Variants in DRD2 observed in about 807,000 individuals in gnomAD.
DRD2 encodes D(2) dopamine receptor.
In DRD2, 8 loss-of-function variants were observed where a neutral mutation model predicts 38.0. The observed-to-expected ratio is 0.21, with a 90% confidence interval of 0.12 to 0.38. The LOEUF is 0.38. DRD2 is among the 10% of genes least tolerant of loss of function. DRD2 has a pLI of 1.00. For synonymous variants in DRD2, 230 were observed against 238.6 expected (o/e 0.96, Z 0.33); for missense variants, 403 against 607.7 (o/e 0.66, Z 3.54).
intron 2 of DRD2, among the ~76,000 whole-genome samples, chr11:113,422,442 C>T (rs993533805): frequency 2.6e-5 from 4 of 152,140 alleles, no homozygotes; most frequent in Non-Finnish European, 5.9e-5. Flanking sequence ...TTTGCTCTAC[C>T]ATTTTTCCCT....
At chr11:113,459,414 T>A (rs1360583574) in intron 1 of DRD2, among the ~76,000 whole-genome samples, 1 of 152,200 alleles carries the variant, frequency 6.6e-6, no homozygotes, top group Non-Finnish European at 1.5e-5. Flanking sequence ...TCCAATCCAA[T>A]ACCATCATTT....
intron 1 of DRD2, among the ~76,000 whole-genome samples, chr11:113,444,114 C>A (rs1951118500): frequency 6.6e-6 from 1 of 152,214 alleles, no homozygotes; most frequent in Admixed American, 6.5e-5. Context: ...CGGCTGACTG[C>A]AACCTCCGCC....
intron 1 of DRD2, among the ~76,000 whole-genome samples, chr11:113,446,119 C>A (rs1951145937): frequency 6.6e-6 from 1 of 152,142 alleles, no homozygotes; most frequent in African/African-American, 2.4e-5. Flanking sequence ...GACACATGGA[C>A]CCCACTTCAT....
In DRD2 at chr11:113,412,557, G is replaced by A. The variant is rs752872204; in HGVS notation, c.1137C>T (p.Leu379=). Residue 379 remains leucine (L), a splice_region_variant and synonymous_variant, in exon 7 of 8, where the codon CTC becomes CTT. Transcript: ENST00000362072. ...GGCCAGCAGCCAGGGCCGACTCACCGAGAACAATGGCGAGCATCTGAGTGG... is the reference window on the plus strand; with the variant it reads ...GGCCAGCAGCCAGGGCCGACTCACCAAGAACAATGGCGAGCATCTGAGTGG... ...KKATQMLAIV[L]GVFIICWLPF... 19 of 1,612,466 alleles carry A rather than the reference G, an allele frequency of 1.2e-5. No individual in the cohort carries two copies. Among genetic ancestry groups the A allele is most frequent in the South Asian group, 3.3e-5 (3 of 91,078 alleles).
chr11:113,424,214 T>A, intron 2 of DRD2, 153 bp downstream of exon 2: 1 of 761,934 alleles, frequency 1.3e-6, no homozygotes, highest in Non-Finnish European at 2.1e-6. Flanking sequence ...ACCCATTTCG[T>A]AAGGAGAAAA....
chr11:113,465,979 T>A (rs1591304331), intron 1 of DRD2, among the ~76,000 whole-genome samples: 1 of 152,234 alleles, frequency 6.6e-6, no homozygotes, highest in East Asian at 1.9e-4. Context: ...CGTGACTCAT[T>A]TCCTTTGCAC....
At chr11:113,459,223 G>T (rs916519975) in intron 1 of DRD2, among the ~76,000 whole-genome samples, 6 of 152,204 alleles carry the variant, frequency 3.9e-5, no homozygotes, top group Non-Finnish European at 8.8e-5. Flanking sequence ...ATTTGAAAGT[G>T]GTAGATATTA....
At chr11:113,415,137 G>A (rs1477243499) in intron 5 of DRD2, among the ~76,000 whole-genome samples, 1 of 152,090 alleles carries the variant, frequency 6.6e-6, no homozygotes, top group African/African-American at 2.4e-5. Flanking sequence ...GGAGCCCACG[G>A]GGGTACCAAG....
intron 1 of DRD2, among the ~76,000 whole-genome samples, chr11:113,468,919 C>T (rs1226653405): frequency 6.6e-6 from 1 of 152,200 alleles, no homozygotes; most frequent in African/African-American, 2.4e-5. Context: ...GGCCATCCCG[C>T]CCTCACATTT....
intron 1 of DRD2, among the ~76,000 whole-genome samples, chr11:113,458,599 C>T (rs1951288742): frequency 6.6e-6 from 1 of 152,200 alleles, no homozygotes; most frequent in African/African-American, 2.4e-5. Flanking sequence ...TGCTGGTCCA[C>T]CACAACTTAT....
chr11:113,461,082 G>C (rs753414099), intron 1 of DRD2, among the ~76,000 whole-genome samples: 12 of 152,246 alleles, frequency 7.9e-5, no homozygotes, highest in Non-Finnish European at 1.8e-4. Context: ...GGCAGGCTCT[G>C]AAGGCTCAGA....
chr11:113,417,214 C>T (rs1205740547), intron 3 of DRD2, among the ~76,000 whole-genome samples: 1 of 152,200 alleles, frequency 6.6e-6, no homozygotes, highest in East Asian at 1.9e-4. Flanking sequence ...CACTGGTGAG[C>T]TATTGTTTAC....
At chr11:113,455,308 G>A (rs943557671) in intron 1 of DRD2, among the ~76,000 whole-genome samples, 1 of 152,122 alleles carries the variant, frequency 6.6e-6, no homozygotes, top group Non-Finnish European at 1.5e-5. Flanking sequence ...GTTGCGGTGA[G>A]CTGAGATCAC....
intron 1 of DRD2, among the ~76,000 whole-genome samples, chr11:113,454,927 C>T (rs1951254292): frequency 6.6e-6 from 1 of 152,166 alleles, no homozygotes; most frequent in African/African-American, 2.4e-5. Context: ...ACTGGCTGTC[C>T]ACATGCTGAA....
chr11:113,454,014 A>G (rs1951242442), intron 1 of DRD2, among the ~76,000 whole-genome samples: 1 of 152,182 alleles, frequency 6.6e-6, no homozygotes, highest in Non-Finnish European at 1.5e-5. Flanking sequence ...AAATACTGGG[A>G]AAGACATTTT....
chr11:113,474,810 C>T (rs111588134), intron 1 of DRD2, among the ~76,000 whole-genome samples: 3 of 152,070 alleles, frequency 2.0e-5, no homozygotes, highest in African/African-American at 7.2e-5. Flanking sequence ...GCTGCGCCCG[C>T]TCGTGCTCGG....
chr11:113,444,633 C>T (rs11214608), intron 1 of DRD2, among the ~76,000 whole-genome samples: 64,447 of 152,084 alleles, frequency 0.42, 16,763 homozygotes, highest in Non-Finnish European at 0.6. Context: ...TTTTACACTC[C>T]ATGGGCCATC....
At chr11:113,454,394 T>C (rs966380279) in intron 1 of DRD2, among the ~76,000 whole-genome samples, 2 of 151,980 alleles carry the variant, frequency 1.3e-5, no homozygotes, top group African/African-American at 4.8e-5. Flanking sequence ...ATATATGAAT[T>C]AGGATTCAGA....
chr11:113,412,037 G>T (rs185590003), intron 7 of DRD2: 391 of 165,596 alleles, frequency 2.4e-3, no homozygotes, highest in Non-Finnish European at 3.9e-3. Flanking sequence ...CTGGTCCCAT[G>T]GAGTCTTGTT....
Sources: allele counts gnomAD v4.1 joint callset (sites outside exome capture counted in the v4.1 genomes callset), GRCh38; gene constraint gnomAD v4.1.1; transcripts MANE v1.5; gene names NCBI Gene and HGNC (gene_info 2026-07-23, HGNC 2026-07-21).